Variants in GGT1 observed in about 807,000 individuals in gnomAD.
GGT1 encodes gamma-glutamyltransferase 1, also known as glutathione hydrolase 1 proenzyme.
GGT1 carries 21 observed loss-of-function variants against 56.0 expected under a neutral mutation model. That is an observed-to-expected ratio of 0.38 (90% CI 0.27 to 0.54). The LOEUF (loss-of-function observed/expected upper bound fraction) is 0.54. GGT1 is among the 20% of genes least tolerant of loss of function. The pLI, the probability that GGT1 is intolerant of heterozygous loss-of-function variation, is 0.82. For synonymous variants in GGT1, 238 were observed against 342.6 expected (o/e 0.69, Z 3.37); for missense variants, 466 against 787.0 (o/e 0.59, Z 4.88).
At chr22:24,622,866 C>T (rs2047518539) in intron 9 of GGT1, among the ~76,000 whole-genome samples, 1 of 152,210 alleles carries the variant, frequency 6.6e-6, no homozygotes, top group Admixed American at 6.5e-5. Context: ...TGAGCAGTGT[C>T]AGGGAGACAG....
In GGT1 at chr22:24,628,624, G is replaced by A. The variant is rs2047937487; in HGVS notation, c.1564-69G>A. ...TGGCACCACCTGGGCTGAGGCCTGT[G>A]ACCACACAGATGTGGTTCAGGTGGC... On this transcript the variant is annotated intron_variant, in intron 15 of 15. Transcript: ENST00000400382. This position sits in a 1 kb window ranked among gnomAD's most constrained non-coding sequence, Gnocchi z 5.7. 2.5e-6 allele frequency: 4 copies of A among 1,610,746 alleles called. No homozygotes were observed. The highest frequency in any genetic ancestry group is 3.4e-6 in the Non-Finnish European group (4 of 1,179,834).
chr22:24,586,008 T>C, the GGT1 span: 1 of 1,610,844 alleles, frequency 6.2e-7, no homozygotes, highest in Non-Finnish European at 8.5e-7. Context: ...CCCTCGTAGA[T>C]GGTGGGGAGT....
intron 1 of GGT1, among the ~76,000 whole-genome samples, chr22:24,597,643 G>A (rs1389189592): frequency 2.0e-5 from 3 of 150,068 alleles, no homozygotes; most frequent in African/African-American, 7.4e-5. Flanking sequence ...ATAGCACCAC[G>A]GCATTCCAGC....
At chr22:24,599,444 T>A (rs887845690), upstream of GGT1, 1 of 150,284 alleles carries the variant, frequency 6.7e-6, no homozygotes, top group Non-Finnish European at 1.5e-5. Context: ...TTCTTCTCAG[T>A]TGGGGAGGGG....
At chr22:24,616,297 C>G (rs910007955) in intron 7 of GGT1, among the ~76,000 whole-genome samples, 4 of 151,670 alleles carry the variant, frequency 2.6e-5, no homozygotes, top group African/African-American at 4.8e-5. Context: ...GCCTGTAATC[C>G]CAGCTACTCA....
chr22:24,605,436 A>AATGTGTATTATATATAAT (rs2046108919), intron 1 of GGT1, among the ~76,000 whole-genome samples: 1 of 79,068 alleles, frequency 1.3e-5, no homozygotes, highest in African/African-American at 5.9e-5. Context: ...TATATTATAT[A>AATGTGTATTATATATAAT]ACAATATATA....
upstream of GGT1, chr22:24,589,878 G>A (rs752345998): frequency 1.2e-6 from 2 of 1,613,840 alleles, no homozygotes; most frequent in Non-Finnish European, 1.7e-6. Flanking sequence ...GGGAGATGGG[G>A]TCGACCGGGT....
upstream of GGT1, chr22:24,599,380 A>C (rs1213201748): frequency 6.6e-6 from 1 of 151,626 alleles, no homozygotes; most frequent in South Asian, 2.1e-4. Flanking sequence ...AAAAAAAAAA[A>C]AGAGGAAAGG....
At chr22:24,594,542 G>T (rs1353643332), upstream of GGT1, among the ~76,000 whole-genome samples, 1 of 151,978 alleles carries the variant, frequency 6.6e-6, no homozygotes, top group African/African-American at 2.4e-5. Flanking sequence ...GTGGGGCTGG[G>T]CCCCTGAGAC....
At chr22:24,586,476 A>T in the GGT1 span, 1 of 1,528,970 alleles carries the variant, frequency 6.5e-7, no homozygotes, top group Non-Finnish European at 8.9e-7. Flanking sequence ...GACCACAGAC[A>T]GTGACCTGTC....
At chr22:24,585,861 A>T in the GGT1 span, 2 of 1,543,820 alleles carry the variant, frequency 1.3e-6, no homozygotes, top group South Asian at 2.4e-5. Context: ...ACAAGTCAGT[A>T]GCAATGAGCC....
chr22:24,604,049 G>A (rs553135902), intron 1 of GGT1, among the ~76,000 whole-genome samples: 5 of 152,232 alleles, frequency 3.3e-5, no homozygotes, highest in Admixed American at 3.3e-4. Flanking sequence ...TGCCGCAAGG[G>A]TGGAAACTGT....
At position 24,614,899 on chromosome 22, in the gene GGT1, C is replaced by T. The variant is rs2147376763; in HGVS notation, c.288C>T (p.Ser96=). 1.2e-6 allele frequency: 2 copies of T among 1,613,276 alleles called. No homozygotes were observed. The highest frequency in any genetic ancestry group is 8.5e-7 in the Non-Finnish European group (1 of 1,179,632). Residue 96 remains serine, a synonymous_variant, in exon 6 of 16, where the codon AGC becomes AGT. Coordinates refer to ENST00000400382, the MANE Select transcript of GGT1 (RefSeq NM_001288833.2). ...GCCTCTTCCTCACCATCTACAACAG[C>T]ACCACACGTGAGTGCCTCGGGAGAG... ...GGGLFLTIYN[S]TTRKAEVINA... is the part of the protein sequence containing the mutation.
intron 7 of GGT1, among the ~76,000 whole-genome samples, chr22:24,616,584 G>A (rs188091428): frequency 1.1e-4 from 14 of 132,570 alleles, no homozygotes; most frequent in African/African-American, 3.8e-4. Context: ...CCAGACTGTC[G>A]CCCAGGCTGG....
rs62231229 is a variant in GGT1, at chr22:24,626,868, C to T, written c.1021-564C>T. ...CATCTTCATCCTCTTCTCCCCACCC[C>T]ACTCCATTCACTCTCTGCCTATCAC... On this transcript the variant is annotated intron_variant, in intron 11 of 15. Transcript: ENST00000400382. 6.3e-3 allele frequency among the ~76,000 whole-genome samples: 924 copies of T among 147,814 alleles called. 11 individuals carry two copies. Among genetic ancestry groups the T allele is most frequent in the East Asian group, 0.055 (273 of 4,972 alleles).
upstream of GGT1, chr22:24,589,874 TG>T (rs2045516956): frequency 6.2e-7 from 1 of 1,613,896 alleles, no homozygotes; most frequent in Admixed American, 1.7e-5. Context: ...TCATGGGAGA[TG>T]GGGTCGACCG....
At chr22:24,603,768 G>T (rs1323174901) in intron 1 of GGT1, among the ~76,000 whole-genome samples, 1 of 151,848 alleles carries the variant, frequency 6.6e-6, no homozygotes, top group African/African-American at 2.4e-5. Flanking sequence ...TGGGGGCGGG[G>T]GGTCAGCTCT....
chr22:24,626,573 C>T (rs2047787032), intron 11 of GGT1, among the ~76,000 whole-genome samples: 1 of 151,936 alleles, frequency 6.6e-6, no homozygotes, highest in African/African-American at 2.4e-5. Flanking sequence ...TCCTGACCAT[C>T]CCCAAACCTG....
rs765060829 is a variant in GGT1, at chr22:24,628,237, A to G, written c.1450-38A>G. On this transcript the variant is annotated intron_variant, in intron 14 of 15. Transcript: ENST00000400382. The surrounding 1 kb of genome is among the most constrained non-coding windows in gnomAD (Gnocchi z 5.7). ...CTCCCTGGCCGTGCCCACCCTGCAC[A>G]GCCCCCAAGCCATGCTGATCACACT... The G allele has an allele frequency of 6.2e-7, 1 of 1,611,906 alleles. No homozygotes were observed. Among genetic ancestry groups the G allele is most frequent in the Non-Finnish European group, 8.5e-7 (1 of 1,179,840 alleles).
Sources: gnomAD v4.1 joint callset for allele counts (sites outside exome capture counted in the v4.1 genomes callset) on GRCh38, gnomAD v4.1.1 for gene constraint, Gnocchi (gnomAD v3.1) non-coding constraint, MANE v1.5 for transcripts, NCBI Gene and HGNC (gene_info 2026-07-23, HGNC 2026-07-21) for gene names.